Variants in FREM3 observed in about 807,000 individuals in gnomAD.
FREM3 encodes FRAS1 related extracellular matrix 3.
FREM3 carries 105 observed loss-of-function variants against 129.1 expected under a neutral mutation model. The ratio of observed to expected loss-of-function variants is 0.81; its 90% CI spans 0.69 to 0.96. The LOEUF is 0.96. FREM3 is among the 40% of genes least tolerant of loss of function. FREM3 has a pLI of 0.00. For missense variants in FREM3, 2,593 were observed against 2,666.3 expected (o/e 0.97, Z 0.61); for synonymous variants, 1,014 against 1,044.9 (o/e 0.97, Z 0.57).
In FREM3 at chr4:143,595,889, GA is replaced by G. The variant is rs70953742; in HGVS notation, c.6029-9897del. On this transcript the variant is annotated intron_variant, in intron 6 of 7. Transcript: ENST00000329798. ...GGCGACAGAGCGAGACGCCATCTCA[GA>G]AAAAAAAAAAAAAAGAAGGAACTGC... 1.5e-3 allele frequency among the ~76,000 whole-genome samples: 168 copies of G among 110,614 alleles called. 3 individuals carry two copies. Among genetic ancestry groups the G allele is most frequent in the Middle Eastern group, 5.4e-3 (1 of 184 alleles). 72.6% of individuals were successfully genotyped at this position (110,614 alleles called of 152,430 possible).
intron 6 of FREM3, among the ~76,000 whole-genome samples, chr4:143,595,353 G>A (rs1277040532): frequency 6.6e-6 from 1 of 152,002 alleles, no homozygotes; most frequent in Admixed American, 6.5e-5. Context: ...CCATTGGTCA[G>A]TATTGGTTCT....
intron 6 of FREM3, among the ~76,000 whole-genome samples, chr4:143,608,111 C>T (rs1041934882): frequency 7.2e-5 from 11 of 152,170 alleles, no homozygotes; most frequent in South Asian, 2.1e-4. Context: ...TCAGGATAAT[C>T]GCACCATCTC....
Position 143,614,824 on chromosome 4 carries a change from C to T in FREM3, c.5780-3297G>A, listed in dbSNP as rs553232524. On this transcript the variant is annotated intron_variant, in intron 5 of 7. Transcript: ENST00000329798. ...TCCCATCATAGCCAACTTCAACTAT[C>T]AATGTGAAGTCACTGAGCATAGAGT... 2.0e-4 allele frequency among the ~76,000 whole-genome samples: 30 copies of T among 152,236 alleles called. No homozygotes were observed. The South Asian group carries it at 5.6e-3, about 28-fold the overall frequency.
chr4:143,616,630 T>A lies in FREM3; in HGVS notation c.5779+4407A>T, dbSNP rs561809848. Among the ~76,000 whole-genome samples, 18 of 151,588 alleles carry A rather than the reference T, an allele frequency of 1.2e-4. No homozygotes were observed. The South Asian group carries it at 3.6e-3, about 30-fold the overall frequency. On this transcript the variant is annotated intron_variant, in intron 5 of 7. Coordinates refer to ENST00000329798, the MANE Select transcript of FREM3 (RefSeq NM_001168235.2). ...TGAAACCCCGTCTCTACTAAAAAAA[T>A]ACAAAAAAGAAAATTAGCCGGGCGT...
At chr4:143,586,634 A>G (rs1738249312) in intron 6 of FREM3, among the ~76,000 whole-genome samples, 2 of 152,168 alleles carry the variant, frequency 1.3e-5, no homozygotes, top group African/African-American at 4.8e-5. Flanking sequence ...CGGTGGGTAG[A>G]AGGGAATTGT....
chr4:143,674,899 T>C (rs1202864847), intron 2 of FREM3, among the ~76,000 whole-genome samples: 1 of 152,172 alleles, frequency 6.6e-6, no homozygotes, highest in East Asian at 1.9e-4. Flanking sequence ...AAGCAAGTCC[T>C]GAGAGACATA....
Position 143,697,617 on chromosome 4 carries a change from G to T in FREM3, c.3059C>A (p.Ala1020Asp). ...AAAACCAACTTCACCTGCAGTGTGG[G>T]CATAGGCTACTCTCCCATTGATGAG... Reference protein sequence around the residue: ...EDLINGRVAYAHTAGEVGFQK... With the variant: ...EDLINGRVAYDHTAGEVGFQK... The change falls in exon 1 of 8, where the codon GCC becomes GAC. Residue 1020 changes from alanine to aspartate, a missense_variant. By Grantham distance (126) the Ala-to-Asp change is moderately radical. Around this residue, in one of 2 missense-constraint regions of FREM3, gnomAD observed 2,276 missense variants for 2,267.2 expected, o/e 1.00. Transcript: ENST00000329798. 1 of 1,537,782 alleles carries T rather than the reference G, an allele frequency of 6.5e-7. No individual in the cohort carries two copies. Among genetic ancestry groups the T allele is most frequent in the Non-Finnish European group, 8.7e-7 (1 of 1,147,028 alleles).
chr4:143,687,912 A>T (rs1740397683), intron 2 of FREM3, among the ~76,000 whole-genome samples: 1 of 152,206 alleles, frequency 6.6e-6, no homozygotes, highest in African/African-American at 2.4e-5. Context: ...TATAATACTG[A>T]ATGGGCAGAA....
At chr4:143,613,841 C>T (rs1328778056) in intron 5 of FREM3, among the ~76,000 whole-genome samples, 4 of 152,144 alleles carry the variant, frequency 2.6e-5, no homozygotes, top group Non-Finnish European at 5.9e-5. Context: ...ACACTAGGCT[C>T]GCATAGTAAC....
rs138923257 is a variant in FREM3, at chr4:143,685,169, T to A, written c.5275+7944A>T. On this transcript the variant is annotated intron_variant, in intron 2 of 7. Coordinates refer to ENST00000329798, the MANE Select transcript of FREM3 (RefSeq NM_001168235.2). ...CACAAAGAACACCTGAGAAAATCAT[T>A]GCAAAAAGATCTTCACCTAGGCACA... is the stretch of plus-strand genomic sequence containing the variant. 9.9e-4 allele frequency among the ~76,000 whole-genome samples: 151 copies of A among 152,198 alleles called. 4 individuals carry two copies. The East Asian group carries it at 0.021, about 21-fold the overall frequency.
chr4:143,589,571 G>T (rs1237619759), intron 6 of FREM3, among the ~76,000 whole-genome samples: 1 of 152,100 alleles, frequency 6.6e-6, no homozygotes, highest in Non-Finnish European at 1.5e-5. Context: ...CATTATTTCT[G>T]AGGGCTCTCT....
Position 143,611,442 on chromosome 4 carries a change from A to C in FREM3, c.5865T>G (p.Phe1955Leu). 2 of 1,537,212 alleles carry C rather than the reference A, an allele frequency of 1.3e-6. No individual in the cohort carries two copies. The highest frequency in any genetic ancestry group is 1.7e-6 in the Non-Finnish European group (2 of 1,146,858). The change falls in exon 6 of 8, where the codon TTT becomes TTG. Residue 1955 changes from phenylalanine to leucine, a missense_variant. By Grantham distance (22) the Phe-to-Leu change is conservative (BLOSUM62 0). Around this residue, in one of 2 missense-constraint regions of FREM3, gnomAD observed 317 missense variants for 399.0 expected, o/e 0.79. Transcript: ENST00000329798. ...AGGTCTTCTGTGTCTCATTCTTGTC[A>C]AAGTGGAGGATGCTGGTGTGGTCTT... is the stretch of plus-strand genomic sequence containing the variant. Reference protein sequence around the residue: ...RPEDHTSILHFDKNETQKTCQ... With the variant: ...RPEDHTSILHLDKNETQKTCQ...
rs1202328358 is a variant in FREM3 at position 143,624,147 on chromosome 4, G to T, written c.5614C>A (p.Pro1872Thr). 1 of 1,536,704 alleles carries T rather than the reference G, an allele frequency of 6.5e-7. No individual in the cohort carries two copies. Among genetic ancestry groups the T allele is most frequent in the Non-Finnish European group, 8.7e-7 (1 of 1,146,476 alleles). The change falls in exon 4 of 8, where the codon CCA becomes ACA. Residue 1872 changes from proline (P) to threonine (T), a missense_variant. By Grantham distance (38) the Pro-to-Thr change is conservative. Coordinates refer to ENST00000329798, the MANE Select transcript of FREM3 (RefSeq NM_001168235.2). The stretch of plus-strand genomic sequence containing the variant: ...ACAATTTCAACCGTTGCCATTTCTG[G>T]AAACTCCAGTACAGCCATGAGAGGT... Reference protein sequence around the residue: ...SEPLMAVLEFPEMATVEIVDP... With the variant: ...SEPLMAVLEFTEMATVEIVDP...
Position 143,700,559 on chromosome 4 carries a change from C to G in FREM3, c.117G>C (p.Glu39Asp). The change falls in exon 1 of 8, where the codon GAG becomes GAC. Residue 39 changes from glutamate to aspartate, a missense_variant. By Grantham distance (45) the Glu-to-Asp change is conservative. Transcript: ENST00000329798. Reference protein sequence around the residue: ...LQGRASSLGTEPDPALYLPAR... With the variant: ...LQGRASSLGTDPDPALYLPAR... Reference sequence around the variant, plus strand: ...CGGGCAGGTAAAGCGCCGGGTCGGGCTCGGTCCCAAGTGAGGATGCCCGTC... The same window carrying G: ...CGGGCAGGTAAAGCGCCGGGTCGGGGTCGGTCCCAAGTGAGGATGCCCGTC... 4.0e-6 allele frequency: 6 copies of G among 1,516,628 alleles called. No individual in the cohort carries two copies. The highest frequency in any genetic ancestry group is 5.3e-6 in the Non-Finnish European group (6 of 1,135,518). 93.9% of individuals were successfully genotyped at this position (1,516,628 alleles called of 1,614,324 possible). A position where few individuals can be genotyped will look rare whatever the true frequency, so the allele number is the denominator to read the frequency against.
chr4:143,594,503 G>A (rs1462617424), intron 6 of FREM3, among the ~76,000 whole-genome samples: 1 of 152,086 alleles, frequency 6.6e-6, no homozygotes, highest in East Asian at 1.9e-4. Flanking sequence ...TTGTCAAATG[G>A]ACATTTTTAA....
intron 2 of FREM3, among the ~76,000 whole-genome samples, chr4:143,648,518 G>A (rs1739459320): frequency 6.6e-6 from 1 of 152,212 alleles, no homozygotes; most frequent in Non-Finnish European, 1.5e-5. Flanking sequence ...GAATCATGGG[G>A]GGGCAGTTCC....
At chr4:143,600,440 A>G (rs1738552637) in intron 6 of FREM3, among the ~76,000 whole-genome samples, 1 of 152,148 alleles carries the variant, frequency 6.6e-6, no homozygotes, top group South Asian at 2.1e-4. Context: ...TATTTATGTA[A>G]CCAAACACCA....
chr4:143,686,066 T>C (rs1156868729), intron 2 of FREM3, among the ~76,000 whole-genome samples: 2 of 152,188 alleles, frequency 1.3e-5, no homozygotes, highest in Non-Finnish European at 2.9e-5. Flanking sequence ...AACTATCTGC[T>C]GCATTCGGGA....
chr4:143,601,779 G>A (rs1738577536), intron 6 of FREM3: 1 of 152,124 alleles, frequency 6.6e-6, no homozygotes. Context: ...CTGGCCTGGG[G>A]TAATCTTAGT....
Sources: allele counts gnomAD v4.1 joint callset (sites outside exome capture counted in the v4.1 genomes callset), GRCh38; gene constraint gnomAD v4.1.1; regional missense constraint gnomAD v4.1.1; transcripts MANE v1.5; gene names NCBI Gene and HGNC (gene_info 2026-07-23, HGNC 2026-07-21).